Variants in C8orf34 observed in about 807,000 individuals in gnomAD.
C8orf34 encodes the protein uncharacterized protein C8orf34.
C8orf34 carries 65 observed loss-of-function variants against 68.3 expected under a neutral mutation model. The observed-to-expected ratio is 0.95, with a 90% CI of 0.78 to 1.17. The LOEUF (loss-of-function observed/expected upper bound fraction) is 1.17, where lower values mean the gene tolerates loss of function less well. C8orf34 is among the 50% of genes most tolerant of loss of function. The pLI, the probability that C8orf34 is intolerant of heterozygous loss-of-function variation, is 0.00. For synonymous variants in C8orf34, 244 were observed against 241.2 expected (o/e 1.01, Z -0.11); for missense variants, 664 against 655.4 (o/e 1.01, Z -0.14).
rs566438333 is a variant in C8orf34, at chr8:68,466,738, C to CATATATATATATATGTGTATATAT, written c.608-1940_608-1939insGTGTATATATATATATATATATAT. 1.6e-3 allele frequency among the ~76,000 whole-genome samples: 190 copies of CATATATATATATATGTGTATATAT among 120,616 alleles called. 4 individuals carry two copies. The highest frequency in any genetic ancestry group is 6.5e-3 in the African/African-American group (177 of 27,186). The allele number at this position is 120,616 out of a possible 152,430, so 79.1% of individuals were successfully genotyped here. On this transcript the variant is annotated intron_variant, in intron 3 of 13. Coordinates refer to ENST00000518698, the MANE Select transcript of C8orf34 (RefSeq NM_052958.4). Reference sequence around the variant, plus strand: ...TTCTGTGAAAATAAACAACGTTGTACATATATATATATATATATATATATA... The same window carrying CATATATATATATATGTGTATATAT: ...TTCTGTGAAAATAAACAACGTTGTACATATATATATATATGTGTATATATATATATATATATATATATATATATA...
chr8:68,480,303 C>A (rs1469692604), intron 4 of C8orf34, among the ~76,000 whole-genome samples: 4 of 152,122 alleles, frequency 2.6e-5, no homozygotes, highest in African/African-American at 9.7e-5. Context: ...TAAGAAATGT[C>A]TTTCACCTCC....
At chr8:68,371,731 C>T (rs1807572628) in intron 1 of C8orf34, among the ~76,000 whole-genome samples, 1 of 151,936 alleles carries the variant, frequency 6.6e-6, no homozygotes, top group Non-Finnish European at 1.5e-5. Flanking sequence ...TCCTGAGTAG[C>T]TGGGATTACA....
intron 10 of C8orf34, among the ~76,000 whole-genome samples, chr8:68,770,533 A>T (rs1422362005): frequency 6.6e-6 from 1 of 152,232 alleles, no homozygotes; most frequent in African/African-American, 2.4e-5. Context: ...CTAGCCATTC[A>T]TTCTTACAGT....
chr8:68,495,435 T>A (rs1212649014), intron 5 of C8orf34, among the ~76,000 whole-genome samples: 2 of 152,182 alleles, frequency 1.3e-5, no homozygotes, highest in African/African-American at 4.8e-5. Context: ...CATTATTTGC[T>A]TGCATTATCT....
At chr8:68,439,924 A>G (rs1197964598) in intron 2 of C8orf34, among the ~76,000 whole-genome samples, 1 of 152,212 alleles carries the variant, frequency 6.6e-6, no homozygotes, top group Admixed American at 6.5e-5. Flanking sequence ...ATAAATTCAG[A>G]GTAGTTATCC....
At chr8:68,693,643 A>G (rs1417599929) in intron 8 of C8orf34, among the ~76,000 whole-genome samples, 1 of 152,110 alleles carries the variant, frequency 6.6e-6, no homozygotes, top group Non-Finnish European at 1.5e-5. Flanking sequence ...GATACCCAAA[A>G]CATATTTTCA....
intron 7 of C8orf34, among the ~76,000 whole-genome samples, chr8:68,637,864 T>C (rs761340141): frequency 1.3e-5 from 2 of 152,174 alleles, no homozygotes; most frequent in African/African-American, 2.4e-5. Context: ...TTGATTATGG[T>C]AGTCTCATGA....
At chr8:68,445,558 T>C (rs1811086294) in intron 2 of C8orf34, among the ~76,000 whole-genome samples, 1 of 152,264 alleles carries the variant, frequency 6.6e-6, no homozygotes, top group South Asian at 2.1e-4. Context: ...CTAAGGGGAA[T>C]TTCAAAGTAA....
At chr8:68,791,123 A>G (rs1264030140) in intron 12 of C8orf34, 1 of 486,032 alleles carries the variant, frequency 2.1e-6, no homozygotes. Context: ...ACACTGCTAT[A>G]AAGAACTGCC....
chr8:68,759,771 A>T (rs1822972959), intron 10 of C8orf34, among the ~76,000 whole-genome samples: 1 of 152,232 alleles, frequency 6.6e-6, no homozygotes, highest in Admixed American at 6.5e-5. Flanking sequence ...TTGATGGATA[A>T]AACTATTTTC....
At chr8:68,550,603 TC>T (rs1172895913) in intron 7 of C8orf34, among the ~76,000 whole-genome samples, 1 of 151,848 alleles carries the variant, frequency 6.6e-6, no homozygotes, top group Non-Finnish European at 1.5e-5. Flanking sequence ...CTGACCTACA[TC>T]ATTTTCTATC....
intron 1 of C8orf34, among the ~76,000 whole-genome samples, chr8:68,385,242 G>A (rs1808211341): frequency 6.6e-6 from 1 of 152,102 alleles, no homozygotes; most frequent in South Asian, 2.1e-4. Flanking sequence ...AGGACATGGA[G>A]GCACAGAGAG....
chr8:68,779,134 G>A (rs568523866), intron 11 of C8orf34, among the ~76,000 whole-genome samples: 19 of 150,840 alleles, frequency 1.3e-4, no homozygotes, highest in South Asian at 1.1e-3. Context: ...CTGTGATCTC[G>A]CCACTGCACT....
intron 3 of C8orf34, among the ~76,000 whole-genome samples, chr8:68,454,475 C>T (rs2129627915): frequency 6.6e-6 from 1 of 152,086 alleles, no homozygotes; most frequent in African/African-American, 2.4e-5. Flanking sequence ...ATTCTATTTC[C>T]TCTTGAGTCA....
At position 68,685,969 on chromosome 8, in the gene C8orf34, T is replaced by C. The variant is rs149522164; in HGVS notation, c.1242-23025T>C. ...ACTAGAGACATTATAACCAATACCA[T>C]AGAAATGCAAAAGATCATTCGAGAC... On this transcript the variant is annotated intron_variant, in intron 8 of 13. Transcript: ENST00000518698. 1.8e-4 allele frequency among the ~76,000 whole-genome samples: 27 copies of C among 151,840 alleles called. 1 individual carries two copies. The highest frequency in any genetic ancestry group is 6.5e-4 in the African/African-American group (27 of 41,452).
chr8:68,526,745 G>A (rs535500746), intron 6 of C8orf34, among the ~76,000 whole-genome samples: 107 of 149,114 alleles, frequency 7.2e-4, no homozygotes, highest in African/African-American at 2.6e-3. Flanking sequence ...AACTCAACAA[G>A]CTTAGGAGAT....
chr8:68,332,203 G>A (rs1585927016), intron 1 of C8orf34, among the ~76,000 whole-genome samples: 1 of 151,998 alleles, frequency 6.6e-6, no homozygotes, highest in African/African-American at 2.4e-5. Context: ...CACCAGCAAA[G>A]CGTCCCGCGG....
chr8:68,818,096 G>A lies in C8orf34; in HGVS notation c.1610-143G>A. The stretch of plus-strand genomic sequence containing the variant: ...ATATTGGCTGCAAATATGATTAATA[G>A]AGGTAGTATTCTAATGTCAATATCC... On this transcript the variant is annotated intron_variant, in intron 13 of 13. Coordinates refer to ENST00000518698, the MANE Select transcript of C8orf34 (RefSeq NM_052958.4). The A allele has an allele frequency of 1.0e-5, 7 of 690,578 alleles. No homozygotes were observed. In the South Asian group the frequency reaches 1.2e-4, roughly 11 times the overall value. The allele number at this position is 690,578 out of a possible 1,614,324, so 42.8% of individuals were successfully genotyped here.
At chr8:68,551,556 G>A (rs1816072009) in intron 7 of C8orf34, among the ~76,000 whole-genome samples, 1 of 151,914 alleles carries the variant, frequency 6.6e-6, no homozygotes, top group South Asian at 2.1e-4. Flanking sequence ...GAGGTTTTTT[G>A]TTTGTTTGTT....
Sources: allele counts gnomAD v4.1 joint callset (sites outside exome capture counted in the v4.1 genomes callset), GRCh38; gene constraint gnomAD v4.1.1; transcripts MANE v1.5; gene names NCBI Gene and HGNC (gene_info 2026-07-23, HGNC 2026-07-21).